The following PTPN1 variants were observed in gnomAD, a reference collection of about 807,000 sequenced individuals.
PTPN1 encodes the protein tyrosine-protein phosphatase non-receptor type 1.
In PTPN1, 12 loss-of-function variants were observed where a neutral mutation model predicts 59.9. The observed-to-expected ratio is 0.20, with a 90% CI of 0.13 to 0.32. The LOEUF is 0.32. PTPN1 is among the 10% of genes least tolerant of loss of function. The pLI, the probability that PTPN1 is intolerant of heterozygous loss-of-function variation, is 1.00. For synonymous variants in PTPN1, 178 were observed against 203.6 expected (o/e 0.87, Z 1.07); for missense variants, 356 against 549.2 (o/e 0.65, Z 3.52).
At chr20:50,553,772 C>T in intron 1 of PTPN1, among the ~76,000 whole-genome samples, 1 of 151,906 alleles carries the variant, frequency 6.6e-6, no homozygotes, top group East Asian at 1.9e-4. Flanking sequence ...TAAAGAAAAA[C>T]AACATAATGA....
intron 1 of PTPN1, among the ~76,000 whole-genome samples, chr20:50,550,099 C>T (rs749628239): frequency 2.0e-5 from 3 of 151,928 alleles, no homozygotes; most frequent in South Asian, 4.2e-4. Flanking sequence ...CCCTATTCAG[C>T]GACTACTGCA....
chr20:50,575,711 G>C (rs528372292), intron 5 of PTPN1, among the ~76,000 whole-genome samples: 1 of 152,172 alleles, frequency 6.6e-6, no homozygotes, highest in South Asian at 2.1e-4. Context: ...GATCACTCGA[G>C]GCCAGGAGTT....
chr20:50,575,955 A>G (rs969050752), intron 5 of PTPN1, among the ~76,000 whole-genome samples: 4 of 152,080 alleles, frequency 2.6e-5, no homozygotes, highest in Admixed American at 6.6e-5. Context: ...AAAATAGTAG[A>G]AGTAAGATCT....
intron 1 of PTPN1, among the ~76,000 whole-genome samples, chr20:50,541,568 C>G (rs1224218610): frequency 6.6e-6 from 1 of 152,124 alleles, no homozygotes; most frequent in African/African-American, 2.4e-5. Flanking sequence ...TTCTAAGAGC[C>G]TGGGCAAACC....
intron 4 of PTPN1, among the ~76,000 whole-genome samples, chr20:50,569,657 T>TTGTCTGTGTAGAC (rs2082797680): frequency 1.3e-5 from 2 of 151,860 alleles, no homozygotes; most frequent in Non-Finnish European, 2.9e-5. Flanking sequence ...CCTGTGTAGA[T>TTGTCTGTGTAGAC]TGTCTGTGTA....
intron 1 of PTPN1, among the ~76,000 whole-genome samples, chr20:50,524,569 CTTT>C (rs764474360): frequency 0.012 from 552 of 45,710 alleles, 4 homozygotes; most frequent in African/African-American, 0.056. Context: ...ATTATGTGGT[CTTT>C]TTTTTTTTTT....
In PTPN1 at chr20:50,583,039, T is replaced by G; in HGVS notation, c.*324T>G. ...GCTCGCCCCACCCAGGGCTCCCTCC[T>G]GGAGCATCCCAGGCGGGCGGCACGC... On this transcript the variant is annotated 3_prime_UTR_variant, in exon 10 of 10. Coordinates refer to ENST00000371621, the MANE Select transcript of PTPN1 (RefSeq NM_002827.4). 1 of 377,876 alleles carries G rather than the reference T, an allele frequency of 2.6e-6. No individual in the cohort carries two copies. The highest frequency in any genetic ancestry group is 2.0e-5 in the African/African-American group (1 of 49,796). 23.4% of individuals were successfully genotyped at this position (377,876 alleles called of 1,614,324 possible).
intron 1 of PTPN1, among the ~76,000 whole-genome samples, chr20:50,533,892 A>G (rs1467165599): frequency 2.0e-5 from 3 of 152,142 alleles, no homozygotes; most frequent in African/African-American, 7.2e-5. Flanking sequence ...TTATGAGCAC[A>G]GAAGAGGAGC....
intron 4 of PTPN1, chr20:50,573,788 A>G (rs1017319090): frequency 6.6e-6 from 1 of 152,198 alleles, no homozygotes; most frequent in African/African-American, 2.4e-5. Flanking sequence ...TTCAAGTAAA[A>G]TGTCACTAAA....
At chr20:50,559,386 C>T (rs899741509) in intron 1 of PTPN1, among the ~76,000 whole-genome samples, 1 of 152,140 alleles carries the variant, frequency 6.6e-6, no homozygotes, top group African/African-American at 2.4e-5. Context: ...TCATTGCTGG[C>T]CAGCTTTCAG....
Position 50,568,310 on chromosome 20 carries a change from C to A in PTPN1, c.256-70C>A. 2 of 1,405,698 alleles carry A rather than the reference C, an allele frequency of 1.4e-6. No homozygotes were observed. The highest frequency in any genetic ancestry group is 2.0e-6 in the Non-Finnish European group (2 of 991,686). 87.1% of individuals were successfully genotyped at this position (1,405,698 alleles called of 1,614,324 possible). On this transcript the variant is annotated intron_variant, in intron 3 of 9. Coordinates refer to ENST00000371621, the MANE Select transcript of PTPN1 (RefSeq NM_002827.4). The surrounding 1 kb of genome is among the most constrained non-coding windows in gnomAD (Gnocchi z 5.6). Reference sequence around the variant, plus strand: ...TGAGGGCGCTGTCGTTAGCTGACTGCAGAAGGTGAGCACACGCTGTAGCAT... The same window carrying A: ...TGAGGGCGCTGTCGTTAGCTGACTGAAGAAGGTGAGCACACGCTGTAGCAT...
chr20:50,561,959 G>A (rs947908749), intron 2 of PTPN1, among the ~76,000 whole-genome samples: 12 of 152,146 alleles, frequency 7.9e-5, no homozygotes, highest in Admixed American at 5.2e-4. Context: ...CCTGCTGTTA[G>A]TTCTTCCTAG....
chr20:50,554,248 G>A (rs931079374), intron 1 of PTPN1, among the ~76,000 whole-genome samples: 5 of 152,220 alleles, frequency 3.3e-5, no homozygotes, highest in Non-Finnish European at 7.3e-5. Flanking sequence ...TTAGCTGGAT[G>A]TGGAGGTCCA....
intron 1 of PTPN1, among the ~76,000 whole-genome samples, chr20:50,536,662 A>G (rs181575620): frequency 6.6e-6 from 1 of 152,334 alleles, no homozygotes; most frequent in East Asian, 1.9e-4. Flanking sequence ...TTTTACCACT[A>G]TACATAGGCC....
In PTPN1 at chr20:50,510,595, G is replaced by T; in HGVS notation, c.63+5G>T. The T allele has an allele frequency of 6.5e-7, 1 of 1,549,430 alleles. No homozygotes were observed. Among genetic ancestry groups the T allele is most frequent in the Admixed American group, 2.0e-5 (1 of 50,788 alleles). ...AGCTGGGCGGCCATTTACCAGGTGC[G>T]GGAGCGCCCCGGAGCGTGGCGGGCC... On this transcript the variant is annotated splice_donor_5th_base_variant and intron_variant, in intron 1 of 9. Coordinates refer to ENST00000371621, the MANE Select transcript of PTPN1 (RefSeq NM_002827.4).
chr20:50,540,576 G>C (rs1040593570), intron 1 of PTPN1, among the ~76,000 whole-genome samples: 1 of 152,124 alleles, frequency 6.6e-6, no homozygotes, highest in Non-Finnish European at 1.5e-5. Context: ...ACATTTCAAC[G>C]TGAGATTTGG....
At chr20:50,514,998 C>A (rs2082522834) in intron 1 of PTPN1, among the ~76,000 whole-genome samples, 1 of 152,184 alleles carries the variant, frequency 6.6e-6, no homozygotes, top group Non-Finnish European at 1.5e-5. Context: ...TGCTTATGAG[C>A]CTGCAATGGT....
intron 1 of PTPN1, among the ~76,000 whole-genome samples, chr20:50,544,791 G>C (rs2082667644): frequency 6.6e-6 from 1 of 152,146 alleles, no homozygotes; most frequent in Non-Finnish European, 1.5e-5. Flanking sequence ...GATCACCTGA[G>C]GTCAGGAGTT....
chr20:50,530,161 A>T (rs964041949), intron 1 of PTPN1, among the ~76,000 whole-genome samples: 4 of 145,676 alleles, frequency 2.7e-5, no homozygotes, highest in Admixed American at 1.4e-4. Flanking sequence ...GGCCTTAGCC[A>T]CTGTGCCTGG....
Sources: allele counts gnomAD v4.1 joint callset (sites outside exome capture counted in the v4.1 genomes callset), GRCh38; gene constraint gnomAD v4.1.1; non-coding constraint Gnocchi (gnomAD v3.1); transcripts MANE v1.5; gene names NCBI Gene and HGNC (gene_info 2026-07-23, HGNC 2026-07-21).